Variants in PCSK6 observed in about 807,000 individuals in gnomAD.
PCSK6 encodes paired basic amino acid cleaving enzyme 4.
PCSK6 carries 85 observed loss-of-function variants against 123.3 expected under a neutral mutation model. That is an observed-to-expected ratio of 0.69 (90% CI 0.58 to 0.83). The LOEUF (loss-of-function observed/expected upper bound fraction) is 0.83, where lower values mean the gene tolerates loss of function less well. PCSK6 is among the 40% of genes least tolerant of loss of function. The probability of loss-of-function intolerance (pLI) is 0.00; values close to 1 mark genes in which losing one functional copy is unlikely to be tolerated. For synonymous variants in PCSK6, 508 were observed against 516.0 expected, an observed-to-expected ratio of 0.98 and a Z score of 0.21; for missense variants, 1,191 against 1,282.3, an observed-to-expected ratio of 0.93 and a Z score of 1.09.
At chr15:101,468,001 C>T (rs9806551) in intron 1 of PCSK6, among the ~76,000 whole-genome samples, 112,693 of 152,122 alleles carry the variant, frequency 0.74, 42,549 homozygotes, top group Non-Finnish European at 0.83. Flanking sequence ...TTTGTATAAC[C>T]AACAAATATA....
intron 13 of PCSK6, among the ~76,000 whole-genome samples, chr15:101,333,536 T>C (rs142130439): frequency 9.8e-5 from 15 of 152,330 alleles, no homozygotes; most frequent in Non-Finnish European, 1.9e-4. Context: ...ACTGCTCTGA[T>C]TCTTTGCTGT....
chr15:101,323,462 G>A (rs2040178470), intron 17 of PCSK6, among the ~76,000 whole-genome samples: 1 of 152,184 alleles, frequency 6.6e-6, no homozygotes. Flanking sequence ...CGGGTGAGGT[G>A]GCTCACACCT....
At chr15:101,385,854 T>C (rs1316028241) in intron 9 of PCSK6, among the ~76,000 whole-genome samples, 1 of 152,240 alleles carries the variant, frequency 6.6e-6, no homozygotes, top group Non-Finnish European at 1.5e-5. Context: ...GGGCTCATGG[T>C]TCCGGCCGCC....
chr15:101,431,600 G>A (rs1028333731), intron 3 of PCSK6, 137 bp from the exon 4 acceptor site: 1 of 1,021,364 alleles, frequency 9.8e-7, no homozygotes, highest in African/African-American at 1.6e-5. Flanking sequence ...GCCTTACATA[G>A]CAGAGCTCCT....
intron 13 of PCSK6, among the ~76,000 whole-genome samples, chr15:101,343,411 T>C (rs541550506): frequency 6.6e-6 from 1 of 152,288 alleles, no homozygotes; most frequent in African/African-American, 2.4e-5. Flanking sequence ...GGTTTTTTTC[T>C]ATCATCTTAA....
At chr15:101,450,367 C>T (rs2057003047) in intron 1 of PCSK6, among the ~76,000 whole-genome samples, 1 of 152,156 alleles carries the variant, frequency 6.6e-6, no homozygotes, top group Admixed American at 6.5e-5. Flanking sequence ...GTTTCACACC[C>T]CTGTGCTCGC....
chr15:101,370,748 T>G (rs546643645), intron 11 of PCSK6, among the ~76,000 whole-genome samples: 1 of 152,270 alleles, frequency 6.6e-6, no homozygotes, highest in Admixed American at 6.5e-5. Flanking sequence ...TTACAGAGAT[T>G]TGAAAGATGG....
At position 101,333,695 on chromosome 15, in the gene PCSK6, C is replaced by T. The variant is rs562549493; in HGVS notation, c.1859-1664G>A. 1.5e-3 allele frequency among the ~76,000 whole-genome samples: 221 copies of T among 148,080 alleles called. 3 individuals are homozygous for T. The East Asian group carries it at 0.019, about 13-fold the overall frequency. ...GCCAGTACAACTTTACTTTTTGTTC[C>T]AATTCTGGAAATCTCTTAGCGTTTC... On this transcript the variant is annotated intron_variant, in intron 13 of 21. Coordinates refer to ENST00000611716, the MANE Select transcript of PCSK6 (RefSeq NM_002570.5).
intron 13 of PCSK6, among the ~76,000 whole-genome samples, chr15:101,356,810 C>A (rs2041058548): frequency 6.6e-6 from 1 of 152,154 alleles, no homozygotes; most frequent in Non-Finnish European, 1.5e-5. Context: ...CGATTCCATT[C>A]CTAAATTGCC....
At chr15:101,318,561 A>T in intron 18 of PCSK6, 139 bp from the exon 19 acceptor site, 2 of 731,908 alleles carry the variant, frequency 2.7e-6, no homozygotes, top group Non-Finnish European at 4.7e-6. Context: ...CAGCTAAGGA[A>T]AGTCGGGAAA....
At chr15:101,482,409 C>A (rs2057910937) in intron 1 of PCSK6, among the ~76,000 whole-genome samples, 1 of 152,192 alleles carries the variant, frequency 6.6e-6, no homozygotes, top group Non-Finnish European at 1.5e-5. Context: ...CCACCCAGGG[C>A]AAGTACAACC....
At chr15:101,376,572 T>C (rs541871706) in intron 11 of PCSK6, among the ~76,000 whole-genome samples, 1 of 152,186 alleles carries the variant, frequency 6.6e-6, no homozygotes, top group Non-Finnish European at 1.5e-5. Flanking sequence ...GGAATAACGC[T>C]TCAGTGTTCG....
At chr15:101,325,662 A>C (rs2040236895) in intron 16 of PCSK6, among the ~76,000 whole-genome samples, 1 of 152,210 alleles carries the variant, frequency 6.6e-6, no homozygotes, top group South Asian at 2.1e-4. Context: ...AGTTTGTGAA[A>C]TGAGAATGGA....
intron 1 of PCSK6, among the ~76,000 whole-genome samples, chr15:101,469,566 G>A (rs1029241442): frequency 7.2e-5 from 11 of 152,190 alleles, no homozygotes; most frequent in Non-Finnish European, 1.0e-4. Context: ...CCTCTTTTGC[G>A]TCAGTGGTGG....
chr15:101,326,200 T>C (rs2040248358), intron 16 of PCSK6, among the ~76,000 whole-genome samples, 177 bp downstream of exon 16: 1 of 152,258 alleles, frequency 6.6e-6, no homozygotes, highest in Non-Finnish European at 1.5e-5. Context: ...ATGACTTGCA[T>C]GATAGGAATG....
intron 2 of PCSK6, among the ~76,000 whole-genome samples, chr15:101,433,856 T>C (rs1379043401): frequency 6.6e-6 from 1 of 152,240 alleles, no homozygotes. Context: ...CAAGACATCC[T>C]TGGTGTACAG....
intron 19 of PCSK6, among the ~76,000 whole-genome samples, chr15:101,314,959 A>T (rs1474843356): frequency 6.6e-6 from 1 of 152,066 alleles, no homozygotes; most frequent in Non-Finnish European, 1.5e-5. Context: ...GGTCTCATAC[A>T]CCAGGCGGGG....
At chr15:101,409,013 A>G (rs3825900) in intron 6 of PCSK6, among the ~76,000 whole-genome samples, 19,920 of 152,216 alleles carry the variant, frequency 0.13, 1,579 homozygotes, top group East Asian at 0.3. Context: ...GAAAAGATGC[A>G]CCTATATCCG....
At chr15:101,391,411 G>A (rs1172148797) in intron 8 of PCSK6, among the ~76,000 whole-genome samples, 2 of 152,230 alleles carry the variant, frequency 1.3e-5, no homozygotes, top group Non-Finnish European at 2.9e-5. Flanking sequence ...GTCCTGGGGA[G>A]CGAGCAGAGG....
Sources: allele counts gnomAD v4.1 joint callset (sites outside exome capture counted in the v4.1 genomes callset), GRCh38; gene constraint gnomAD v4.1.1; transcripts MANE v1.5; gene names NCBI Gene and HGNC (gene_info 2026-07-23, HGNC 2026-07-21).